The following ZHX2 variants were observed in gnomAD, a reference collection of about 807,000 sequenced individuals.
The protein encoded by ZHX2 is zinc fingers and homeoboxes protein 2.
ZHX2 carries 6 observed loss-of-function variants against 21.9 expected under a neutral mutation model. The ratio of observed to expected loss-of-function variants is 0.27; its 90% CI spans 0.15 to 0.54. ZHX2 has a LOEUF of 0.54. ZHX2 is among the 20% of genes least tolerant of loss of function. ZHX2 has a pLI of 0.95. For missense variants in ZHX2, 908 were observed against 1,090.7 expected, an observed-to-expected ratio of 0.83 and a Z score of 2.36; for synonymous variants, 434 against 437.1, an observed-to-expected ratio of 0.99 and a Z score of 0.09.
At chr8:122,894,746 T>C (rs1820057565) in intron 2 of ZHX2, among the ~76,000 whole-genome samples, 1 of 152,082 alleles carries the variant, frequency 6.6e-6, no homozygotes, top group African/African-American at 2.4e-5. Context: ...TGTATATATA[T>C]GTAACAAACC....
At chr8:122,962,890 T>C (rs1586429212) in intron 3 of ZHX2, among the ~76,000 whole-genome samples, 1 of 152,118 alleles carries the variant, frequency 6.6e-6, no homozygotes, top group Admixed American at 6.5e-5. Flanking sequence ...TGTTGAGCAT[T>C]TTTTTCATGT....
intron 1 of ZHX2, among the ~76,000 whole-genome samples, chr8:122,851,109 C>T (rs995237382): frequency 2.6e-5 from 4 of 152,268 alleles, no homozygotes; most frequent in Middle Eastern, 3.4e-3. Context: ...CCCACCAAAA[C>T]GTGAAGGATG....
chr8:122,928,340 G>A (rs538589590), intron 2 of ZHX2, among the ~76,000 whole-genome samples: 1 of 152,312 alleles, frequency 6.6e-6, no homozygotes, highest in African/African-American at 2.4e-5. Flanking sequence ...TACACCAGGG[G>A]TCTGTCTGGC....
intron 2 of ZHX2, among the ~76,000 whole-genome samples, chr8:122,925,563 G>C (rs1820829839): frequency 6.6e-6 from 1 of 152,200 alleles, no homozygotes; most frequent in South Asian, 2.1e-4. Flanking sequence ...AGGGAATCCA[G>C]ACACACTCTT....
intron 2 of ZHX2, among the ~76,000 whole-genome samples, chr8:122,925,650 G>T (rs1820831689): frequency 6.6e-6 from 1 of 152,156 alleles, no homozygotes; most frequent in Non-Finnish European, 1.5e-5. Context: ...TGGAGAGAGG[G>T]CTGGTTCAGG....
intron 2 of ZHX2, among the ~76,000 whole-genome samples, chr8:122,905,554 A>G (rs999010476): frequency 8.5e-5 from 13 of 152,238 alleles, no homozygotes; most frequent in Non-Finnish European, 1.6e-4. Flanking sequence ...AAATGATAGA[A>G]GGATTCTTAG....
chr8:122,926,343 G>A (rs2130113070), intron 2 of ZHX2, among the ~76,000 whole-genome samples: 1 of 152,266 alleles, frequency 6.6e-6, no homozygotes, highest in East Asian at 1.9e-4. Flanking sequence ...GCTGCTGTCA[G>A]TTTGCCATTA....
rs1429585551 is a variant in ZHX2 at position 122,953,495 on chromosome 8, C to T, written c.1985C>T (p.Ala662Val). The T allele has an allele frequency of 1.2e-6, 2 of 1,614,204 alleles. No individual in the cohort carries two copies. The highest frequency in any genetic ancestry group is 1.7e-5 in the Admixed American group (1 of 60,030). ...WPTPQEYDQL[A>V]AKTGLVRTEI... Reference sequence around the variant, plus strand: ...ACTCCCCAGGAGTACGACCAGTTAGCGGCCAAGACTGGCCTGGTCCGAACT... The same window carrying T: ...ACTCCCCAGGAGTACGACCAGTTAGTGGCCAAGACTGGCCTGGTCCGAACT... The change falls in exon 3 of 4, where the codon GCG (alanine) becomes GTG (valine). Residue 662 changes from alanine to valine, a missense_variant. This residue lies in a region of ZHX2 where 431 missense variants were observed against 428.6 expected (regional missense o/e 1.01). Transcript: ENST00000314393. The surrounding 1 kb of genome is among the most constrained non-coding windows in gnomAD (Gnocchi z 4.6).
intron 2 of ZHX2, among the ~76,000 whole-genome samples, chr8:122,949,264 G>T (rs1259581292): frequency 6.6e-6 from 1 of 152,036 alleles, no homozygotes; most frequent in South Asian, 2.1e-4. Context: ...CAGAGATTGC[G>T]GTAAGCCAAG....
intron 1 of ZHX2, among the ~76,000 whole-genome samples, chr8:122,830,024 G>T (rs1818338630): frequency 6.6e-6 from 1 of 152,216 alleles, no homozygotes; most frequent in African/African-American, 2.4e-5. Context: ...CTTGAATGGA[G>T]GCTGGGTAAA....
At chr8:122,871,179 A>G (rs1440764784) in intron 2 of ZHX2, among the ~76,000 whole-genome samples, 1 of 152,168 alleles carries the variant, frequency 6.6e-6, no homozygotes, top group East Asian at 1.9e-4. Flanking sequence ...CCTTATCTGC[A>G]TAATGAGGAT....
intron 2 of ZHX2, among the ~76,000 whole-genome samples, chr8:122,873,431 C>A (rs1326128442): frequency 6.6e-6 from 1 of 152,204 alleles, no homozygotes; most frequent in Non-Finnish European, 1.5e-5. Context: ...TCTCTCCACT[C>A]CCCTGCAGCC....
intron 1 of ZHX2, among the ~76,000 whole-genome samples, chr8:122,830,612 C>T (rs1286539248): frequency 2.6e-5 from 4 of 152,114 alleles, no homozygotes; most frequent in African/African-American, 7.2e-5. Flanking sequence ...GCATCGCCTG[C>T]ATTGTCTGGA....
chr8:122,952,257 A>G lies in ZHX2; in HGVS notation c.747A>G (p.Pro249=), dbSNP rs1356218271. Residue 249 remains proline, a synonymous_variant, in exon 3 of 4, where the codon CCA becomes CCG. Transcript: ENST00000314393. The surrounding 1 kb of genome is among the most constrained non-coding windows in gnomAD (Gnocchi z 6.9). ...ACGTCATGCCTTCTGTACAGCTGCC[A>G]CCAAATATCAACCTTGTGCCCAAGG... ...LGHVMPSVQL[P]PNINLVPKVP... 1 of 1,614,004 alleles carries G rather than the reference A, an allele frequency of 6.2e-7. No individual in the cohort carries two copies. The highest frequency in any genetic ancestry group is 1.7e-5 in the Admixed American group (1 of 59,994).
At chr8:122,783,513 T>C (rs1817334245) in intron 1 of ZHX2, among the ~76,000 whole-genome samples, 1 of 151,998 alleles carries the variant, frequency 6.6e-6, no homozygotes, top group South Asian at 2.1e-4. Context: ...ACTTACTCAC[T>C]CTCTCCTTTA....
intron 1 of ZHX2, among the ~76,000 whole-genome samples, chr8:122,819,596 GCA>G (rs771900710): frequency 2.6e-5 from 4 of 152,224 alleles, no homozygotes; most frequent in South Asian, 2.1e-4. Context: ...GGTTTTCCAG[GCA>G]CTATCCAAGA....
intron 2 of ZHX2, among the ~76,000 whole-genome samples, chr8:122,918,108 C>T (rs1243175503): frequency 2.6e-5 from 4 of 152,218 alleles, no homozygotes. Context: ...GACCCAGGCA[C>T]CATTCTAAGT....
intron 3 of ZHX2, among the ~76,000 whole-genome samples, chr8:122,957,717 T>A (rs6989456): frequency 6.6e-6 from 1 of 151,960 alleles, no homozygotes; most frequent in African/African-American, 2.4e-5. Context: ...GTGATCCATC[T>A]GCCTCAGCCT....
chr8:122,793,132 A>G (rs1817551846), intron 1 of ZHX2, among the ~76,000 whole-genome samples: 1 of 152,218 alleles, frequency 6.6e-6, no homozygotes, highest in African/African-American at 2.4e-5. Flanking sequence ...ATACCTGTGA[A>G]GCATTTAGCA....
Sources: allele counts gnomAD v4.1 joint callset (sites outside exome capture counted in the v4.1 genomes callset), GRCh38; gene constraint gnomAD v4.1.1; regional missense constraint gnomAD v4.1.1; non-coding constraint Gnocchi (gnomAD v3.1); transcripts MANE v1.5; gene names NCBI Gene and HGNC (gene_info 2026-07-23, HGNC 2026-07-21).